The following STPG4 variants were observed in gnomAD, a reference collection of about 807,000 sequenced individuals.
STPG4 encodes the protein protein STPG4.
Under a neutral mutation model 31.5 loss-of-function variants are expected in STPG4, and 41 were observed. The ratio of observed to expected loss-of-function variants is 1.30; its 90% CI spans 1.01 to 1.69. STPG4 has a LOEUF of 1.69. STPG4 is among the 40% of genes most tolerant of loss of function. The pLI is 0.00. For missense variants in STPG4, 375 were observed against 293.4 expected (o/e 1.28, Z -2.03); for synonymous variants, 141 against 103.0 (o/e 1.37, Z -2.24).
intron 5 of STPG4, among the ~76,000 whole-genome samples, chr2:47,097,007 G>C (rs549207686): frequency 6.6e-6 from 1 of 152,114 alleles, no homozygotes; most frequent in Non-Finnish European, 1.5e-5. Flanking sequence ...CAGGGAAGAG[G>C]CATCTGGAGT....
rs1686356593 is a variant in STPG4, at chr2:47,125,828, G to C, written c.519+4113C>G. Among the ~76,000 whole-genome samples, 4 of 151,966 alleles carry C rather than the reference G, an allele frequency of 2.6e-5. No individual in the cohort carries two copies. In the South Asian group the frequency reaches 8.3e-4, roughly 32 times the overall value. On this transcript the variant is annotated intron_variant, in intron 5 of 6. Transcript: ENST00000445927. ...CCTGCCTTGGCCTCCCAAAGTGCTAGGATTACAGACGTGAGCCACCATACC... is the reference window on the plus strand; with the variant it reads ...CCTGCCTTGGCCTCCCAAAGTGCTACGATTACAGACGTGAGCCACCATACC...
chr2:47,152,808 C>T (rs1358212015), intron 2 of STPG4, 149 bp downstream of exon 2: 2 of 486,388 alleles, frequency 4.1e-6, no homozygotes, highest in East Asian at 6.7e-5. Flanking sequence ...TATGCTGACA[C>T]TAAAATTTTA....
chr2:47,093,890 G>T (rs1269096837), intron 5 of STPG4, among the ~76,000 whole-genome samples: 1 of 152,218 alleles, frequency 6.6e-6, no homozygotes, highest in Admixed American at 6.5e-5. Context: ...ACTGCTCATG[G>T]CCGGGCCCTG....
chr2:47,155,269 C>T lies in STPG4; in HGVS notation c.-18G>A. The T allele has an allele frequency of 6.2e-7, 1 of 1,613,856 alleles. No homozygotes were observed. The highest frequency in any genetic ancestry group is 8.5e-7 in the Non-Finnish European group (1 of 1,179,772). On this transcript the variant is annotated 5_prime_UTR_variant, in exon 1 of 7. Transcript: ENST00000445927. ...TGGTCCATGGTGGCCTCCTCTCTCTCTAGGCTGAACCTGAGCTCCGGTTGC... is the reference window on the plus strand; with the variant it reads ...TGGTCCATGGTGGCCTCCTCTCTCTTTAGGCTGAACCTGAGCTCCGGTTGC...
intron 5 of STPG4, among the ~76,000 whole-genome samples, chr2:47,113,817 G>A (rs1388967102): frequency 4.6e-5 from 7 of 151,532 alleles, no homozygotes; most frequent in South Asian, 4.2e-4. Context: ...GGTGGATCAC[G>A]AGGTCAAGAG....
intron 5 of STPG4, among the ~76,000 whole-genome samples, chr2:47,115,914 A>G (rs1441657938): frequency 6.6e-6 from 1 of 152,130 alleles, no homozygotes. Flanking sequence ...TCGGGCTTCC[A>G]AATTGCTAGG....
In STPG4 at chr2:47,130,124, T is replaced by C. The variant is rs1420291120; in HGVS notation, c.464+72A>G. ...TTGCATATGAGGTGCATAAATGAGG[T>C]TTAAAAGCCAGGAGTATTGGCGTGT... On this transcript the variant is annotated intron_variant, in intron 4 of 6. Coordinates refer to ENST00000445927, the MANE Select transcript of STPG4 (RefSeq NM_001163561.2). The C allele has an allele frequency of 4.6e-6, 7 of 1,511,554 alleles. No individual in the cohort carries two copies. The African/African-American group carries it at 9.7e-5, about 21-fold the overall frequency. The allele number at this position is 1,511,554 out of a possible 1,614,324, so 93.6% of individuals were successfully genotyped here. A position where few individuals can be genotyped will look rare whatever the true frequency, so the allele number is the denominator to read the frequency against.
chr2:47,088,799 GA>G (rs1332847015), intron 6 of STPG4, among the ~76,000 whole-genome samples: 1 of 152,194 alleles, frequency 6.6e-6, no homozygotes, highest in Admixed American at 6.5e-5. Flanking sequence ...GAGCAGCCTG[GA>G]AATCTAATCA....
intron 5 of STPG4, among the ~76,000 whole-genome samples, chr2:47,103,327 G>A (rs1685838845): frequency 6.6e-6 from 1 of 151,900 alleles, no homozygotes; most frequent in Non-Finnish European, 1.5e-5. Flanking sequence ...AATCACTCGA[G>A]GGTCAATTGA....
chr2:47,140,521 T>C (rs1686680740), intron 3 of STPG4, among the ~76,000 whole-genome samples: 1 of 152,202 alleles, frequency 6.6e-6, no homozygotes, highest in Admixed American at 6.5e-5. Context: ...ACCCCAGCCA[T>C]GGTTCCTGCA....
chr2:47,108,051 CTG>C (rs1685957041), intron 5 of STPG4, among the ~76,000 whole-genome samples: 2 of 151,904 alleles, frequency 1.3e-5, no homozygotes, highest in East Asian at 3.9e-4. Flanking sequence ...AATCCACACT[CTG>C]TATCTAGCTA....
chr2:47,100,869 G>C (rs537732418), intron 5 of STPG4, among the ~76,000 whole-genome samples: 1 of 151,814 alleles, frequency 6.6e-6, no homozygotes, highest in East Asian at 1.9e-4. Flanking sequence ...CCGAACATCA[G>C]AAGGAACAAA....
intron 2 of STPG4, among the ~76,000 whole-genome samples, chr2:47,152,276 C>A (rs1686953764): frequency 6.6e-6 from 1 of 152,218 alleles, no homozygotes; most frequent in Non-Finnish European, 1.5e-5. Flanking sequence ...ACTGGCAGAG[C>A]ATATGGCCTA....
intron 3 of STPG4, among the ~76,000 whole-genome samples, chr2:47,138,269 T>A (rs1462461537): frequency 6.6e-6 from 1 of 152,240 alleles, no homozygotes; most frequent in Non-Finnish European, 1.5e-5. Flanking sequence ...TGTTGTTTAA[T>A]CTCCACATAT....
chr2:47,098,238 C>A (rs576519914), intron 5 of STPG4, among the ~76,000 whole-genome samples: 21 of 152,360 alleles, frequency 1.4e-4, no homozygotes, highest in African/African-American at 4.8e-4. Flanking sequence ...CTGCTGCGCA[C>A]TGACAGCTCC....
At chr2:47,089,678 T>C (rs1353885117) in intron 6 of STPG4, among the ~76,000 whole-genome samples, 2 of 151,938 alleles carry the variant, frequency 1.3e-5, no homozygotes, top group Non-Finnish European at 2.9e-5. Context: ...CCACTGTTGG[T>C]AAACTTCACA....
At chr2:47,087,183 G>A in intron 6 of STPG4, 53 bp from the exon 7 acceptor site, 6 of 1,544,722 alleles carry the variant, frequency 3.9e-6, no homozygotes, top group Non-Finnish European at 5.3e-6. Context: ...CCAAAACCCT[G>A]AGGCTCCTGT....
At chr2:47,104,530 T>A (rs2103744668) in intron 5 of STPG4, among the ~76,000 whole-genome samples, 1 of 152,124 alleles carries the variant, frequency 6.6e-6, no homozygotes, top group East Asian at 1.9e-4. Flanking sequence ...TGCCTTCTTC[T>A]GTATTCCCCT....
intron 5 of STPG4, among the ~76,000 whole-genome samples, chr2:47,103,198 A>G (rs933845532): frequency 6.6e-6 from 1 of 151,868 alleles, no homozygotes; most frequent in Admixed American, 6.5e-5. Flanking sequence ...GGAGAACTAG[A>G]AAAAAGCCCA....
Sources: allele counts gnomAD v4.1 joint callset (sites outside exome capture counted in the v4.1 genomes callset), GRCh38; gene constraint gnomAD v4.1.1; transcripts MANE v1.5; gene names NCBI Gene and HGNC (gene_info 2026-07-23, HGNC 2026-07-21).